Variants in STAB2 observed in about 807,000 individuals in gnomAD.
STAB2 encodes the protein stabilin 2, also known as stabilin-2.
In STAB2, 288 loss-of-function variants were observed where a neutral mutation model predicts 338.1. The observed-to-expected ratio is 0.85, with a 90% CI of 0.77 to 0.94. The LOEUF is 0.94. Ranked by LOEUF, STAB2 falls within the 40% of genes least tolerant of loss-of-function variation. The pLI is 0.00. For missense variants in STAB2, 3,141 were observed against 3,210.1 expected, an observed-to-expected ratio of 0.98 and a Z score of 0.52; for synonymous variants, 1,202 against 1,193.3, an observed-to-expected ratio of 1.01 and a Z score of -0.15.
At position 103,717,774 on chromosome 12, in the gene STAB2, C is replaced by T. The variant is rs762752699; in HGVS notation, c.4616C>T (p.Ala1539Val). 6.2e-7 allele frequency: 1 copy of T among 1,614,130 alleles called. No individual in the cohort carries two copies. The highest frequency in any genetic ancestry group is 1.1e-5 in the South Asian group (1 of 91,080). ...ECTQTGPNQA[A>V]CNCLPAYTGD... is the part of the protein sequence containing the mutation. Reference sequence around the variant, plus strand: ...TGTGCTTCTACTCCTGGACAGGCTGCCTGTAACTGTTTGCCAGCATACACT... The same window carrying T: ...TGTGCTTCTACTCCTGGACAGGCTGTCTGTAACTGTTTGCCAGCATACACT... The change falls in exon 44 of 69, where the codon GCC becomes GTC. Residue 1539 changes from alanine (A) to valine (V), a missense_variant. Ala to Val is a moderately conservative substitution (Grantham distance 64). Coordinates refer to ENST00000388887, the MANE Select transcript of STAB2 (RefSeq NM_017564.10).
intron 28 of STAB2, among the ~76,000 whole-genome samples, chr12:103,688,715 G>T (rs1877654734): frequency 6.6e-6 from 1 of 152,160 alleles, no homozygotes; most frequent in African/African-American, 2.4e-5. Flanking sequence ...GCTTCCTGTT[G>T]CTTCTGTATG....
intron 9 of STAB2, among the ~76,000 whole-genome samples, chr12:103,640,825 C>A (rs368365812): frequency 1.3e-5 from 2 of 152,174 alleles, no homozygotes; most frequent in Admixed American, 6.5e-5. Flanking sequence ...TGATACCTAC[C>A]AGATGCATGA....
intron 26 of STAB2, among the ~76,000 whole-genome samples, chr12:103,683,501 A>G (rs1414810528): frequency 6.6e-6 from 1 of 152,234 alleles, no homozygotes; most frequent in East Asian, 1.9e-4. Context: ...ACTTCCAGGT[A>G]AAATACAGAA....
intron 44 of STAB2, among the ~76,000 whole-genome samples, chr12:103,724,348 T>G (rs1221895735): frequency 6.6e-6 from 1 of 152,104 alleles, no homozygotes; most frequent in Non-Finnish European, 1.5e-5. Context: ...AAGGTGAGAA[T>G]GTCAGAAAGT....
At position 103,750,560 on chromosome 12, in the gene STAB2, T is replaced by C; in HGVS notation, c.6439-19T>C. The C allele has an allele frequency of 2.5e-6, 4 of 1,612,716 alleles. No homozygotes were observed. The highest frequency in any genetic ancestry group is 3.4e-6 in the Non-Finnish European group (4 of 1,178,872). ...CTAGAGAAGGAACTTTTTCATCTCT[T>C]CCCACTCTCCCTCCACAGGGCAAGC... On this transcript the variant is annotated intron_variant, in intron 59 of 68. Coordinates refer to ENST00000388887, the MANE Select transcript of STAB2 (RefSeq NM_017564.10).
At chr12:103,657,915 G>C (rs954844649) in intron 15 of STAB2, 2 of 152,130 alleles carry the variant, frequency 1.3e-5, no homozygotes, top group Admixed American at 1.3e-4. Context: ...AAAATAAACA[G>C]TCCTCTTTAG....
At chr12:103,614,715 C>A (rs1270703542) in intron 3 of STAB2, among the ~76,000 whole-genome samples, 1 of 152,216 alleles carries the variant, frequency 6.6e-6, no homozygotes, top group Non-Finnish European at 1.5e-5. Flanking sequence ...CACCACACAA[C>A]CATCCCATGC....
chr12:103,656,341 A>G (rs1027347121), intron 15 of STAB2, among the ~76,000 whole-genome samples: 1 of 152,208 alleles, frequency 6.6e-6, no homozygotes, highest in African/African-American at 2.4e-5. Flanking sequence ...AGTGTTGATT[A>G]TATAGAATGT....
Position 103,742,554 on chromosome 12 carries a change from C to T in STAB2, c.6031C>T (p.Pro2011Ser), listed in dbSNP as rs143211432. 5 of 1,614,094 alleles carry T rather than the reference C, an allele frequency of 3.1e-6. No individual in the cohort carries two copies. The highest frequency in any genetic ancestry group is 2.2e-5 in the East Asian group (1 of 44,880). ...WPGRFGPDCL[P>S]CGCSDHGQCD... ...GGGGAGATTCGGGCCTGATTGTCTG[C>T]GTATGTGGCGCCGCTTCTCCGTGCT... The change falls in exon 56 of 69, where the codon CCC (proline) becomes TCC (serine). Residue 2011 changes from proline (P) to serine (S), a missense_variant and splice_region_variant. Physicochemically the swap from Pro to Ser is moderately conservative, Grantham distance 74. Coordinates refer to ENST00000388887, the MANE Select transcript of STAB2 (RefSeq NM_017564.10).
At chr12:103,641,245 A>G (rs964130365) in intron 9 of STAB2, among the ~76,000 whole-genome samples, 1 of 152,202 alleles carries the variant, frequency 6.6e-6, no homozygotes, top group Non-Finnish European at 1.5e-5. Context: ...TATTATCATC[A>G]TGTCCTATCT....
chr12:103,703,380 G>A, intron 35 of STAB2, 104 bp downstream of exon 35: 2 of 1,401,144 alleles, frequency 1.4e-6, no homozygotes, highest in Non-Finnish European at 1.9e-6. Flanking sequence ...TATCAATTCA[G>A]TCCATAAACC....
Position 103,705,834 on chromosome 12 carries a change from C to T in STAB2, c.3996+107C>T. 3 of 1,013,944 alleles carry T rather than the reference C, an allele frequency of 3.0e-6. No homozygotes were observed. The South Asian group carries it at 4.2e-5, about 14-fold the overall frequency. 62.8% of individuals were successfully genotyped at this position (1,013,944 alleles called of 1,614,324 possible). On this transcript the variant is annotated intron_variant, in intron 37 of 68. Coordinates refer to ENST00000388887, the MANE Select transcript of STAB2 (RefSeq NM_017564.10). ...GTGCAGGTATGCTTTCTGCCATCTC[C>T]TCTTCCTTGTTACCTGCATTATCAT...
At chr12:103,750,789 G>C in intron 60 of STAB2, 69 bp downstream of exon 60, 1 of 1,510,240 alleles carries the variant, frequency 6.6e-7, no homozygotes, top group Non-Finnish European at 8.9e-7. Flanking sequence ...ACCCTCAAGG[G>C]AAAGAAGAAA....
chr12:103,653,059 A>G (rs1873865443), intron 12 of STAB2, among the ~76,000 whole-genome samples: 1 of 152,208 alleles, frequency 6.6e-6, no homozygotes, highest in East Asian at 1.9e-4. Context: ...CTCTTATAGA[A>G]GGAAATAGAT....
intron 41 of STAB2, among the ~76,000 whole-genome samples, chr12:103,713,243 C>T (rs1270375409): frequency 6.6e-6 from 1 of 152,174 alleles, no homozygotes; most frequent in Non-Finnish European, 1.5e-5. Flanking sequence ...CTTATGGTGT[C>T]TGGTGCTAGA....
rs1201793197 is a variant in STAB2, at chr12:103,755,431, A to T, written c.6844A>T (p.Ser2282Cys). 1 of 1,613,952 alleles carries T rather than the reference A, an allele frequency of 6.2e-7. No individual in the cohort carries two copies. The highest frequency in any genetic ancestry group is 8.5e-7 in the Non-Finnish European group (1 of 1,180,022). ...IVDYGPRPNK[S>C]EMWDVFCYRM... ...GGACTATGGACCTAGACCCAACAAG[A>T]GTGAAATGTGGGATGTCTTCTGCTA... The change falls in exon 62 of 69, where the codon AGT becomes TGT. Residue 2282 changes from serine (S) to cysteine (C), a missense_variant. Ser to Cys is a moderately radical substitution (Grantham distance 112). Transcript: ENST00000388887.
chr12:103,708,033 C>T (rs1001571155), intron 38 of STAB2, among the ~76,000 whole-genome samples: 1 of 152,150 alleles, frequency 6.6e-6, no homozygotes, highest in Non-Finnish European at 1.5e-5. Flanking sequence ...GGAAGCAGTG[C>T]CACACCAGGC....
intron 25 of STAB2, among the ~76,000 whole-genome samples, chr12:103,682,543 T>C (rs1298630897): frequency 1.3e-5 from 2 of 152,200 alleles, no homozygotes; most frequent in Admixed American, 6.5e-5. Context: ...ACCAAGTGGA[T>C]ACCCCACAGC....
intron 15 of STAB2, among the ~76,000 whole-genome samples, chr12:103,656,607 A>G (rs556017798): frequency 5.3e-5 from 8 of 152,276 alleles, no homozygotes; most frequent in Non-Finnish European, 8.8e-5. Context: ...AGGAATTCAC[A>G]TAGATATATA....
Sources: allele counts gnomAD v4.1 joint callset (sites outside exome capture counted in the v4.1 genomes callset), GRCh38; gene constraint gnomAD v4.1.1; transcripts MANE v1.5; gene names NCBI Gene and HGNC (gene_info 2026-07-23, HGNC 2026-07-21).